The following CDH18 variants were observed in gnomAD, a reference collection of about 807,000 sequenced individuals.
The protein encoded by CDH18 is cadherin-18.
CDH18 carries 31 observed loss-of-function variants against 67.9 expected under a neutral mutation model. That is an observed-to-expected ratio of 0.46 (90% confidence interval 0.34 to 0.62). The LOEUF is 0.62. Ranked by LOEUF, CDH18 falls within the 20% of genes least tolerant of loss-of-function variation. The probability of loss-of-function intolerance (pLI) is 0.01; values close to 1 mark genes in which losing one functional copy is unlikely to be tolerated. For missense variants in CDH18, 890 were observed against 975.5 expected, an observed-to-expected ratio of 0.91 and a Z score of 1.17; for synonymous variants, 362 against 347.2, an observed-to-expected ratio of 1.04 and a Z score of -0.48.
chr5:20,280,849 C>T lies in CDH18; in HGVS notation c.-579-25344G>A, dbSNP rs1411305870. 9.2e-5 allele frequency among the ~76,000 whole-genome samples: 14 copies of T among 152,286 alleles called. No homozygotes were observed. In the East Asian group the frequency reaches 2.7e-3, roughly 30 times the overall value. ...ACAGTGTAAAAGTGTTCCTATTTCT[C>T]CACATCCTCTCCAGCACCTGTTGTT... On this transcript the variant is annotated intron_variant, in intron 1 of 14. Coordinates refer to the CDH18 transcript ENST00000507958.
At chr5:19,664,266 A>G (rs1372939751) in intron 5 of CDH18, among the ~76,000 whole-genome samples, 1 of 114,640 alleles carries the variant, frequency 8.7e-6, no homozygotes, top group Non-Finnish European at 1.9e-5. Flanking sequence ...ATGCTCCATG[A>G]TCAAATGGTC....
intron 1 of CDH18, among the ~76,000 whole-genome samples, chr5:20,533,703 G>T (rs1207127603): frequency 6.6e-6 from 1 of 151,942 alleles, no homozygotes; most frequent in Non-Finnish European, 1.5e-5. Flanking sequence ...TTCTGGAATA[G>T]TTCATTTATT....
intron 1 of CDH18, among the ~76,000 whole-genome samples, chr5:20,354,757 T>C (rs1741471816): frequency 6.6e-6 from 1 of 152,148 alleles, no homozygotes; most frequent in Non-Finnish European, 1.5e-5. Flanking sequence ...GAATCAGAAA[T>C]TTTGTATAGA....
At chr5:20,210,002 G>T (rs1281958128) in intron 2 of CDH18, among the ~76,000 whole-genome samples, 1 of 150,950 alleles carries the variant, frequency 6.6e-6, no homozygotes, top group African/African-American at 2.4e-5. Flanking sequence ...AATAATGTAA[G>T]ATTAATTAAA....
intron 3 of CDH18, among the ~76,000 whole-genome samples, chr5:19,825,631 T>A (rs903639657): frequency 4.6e-5 from 7 of 151,282 alleles, no homozygotes; most frequent in African/African-American, 1.7e-4. Flanking sequence ...ACATTCAAGA[T>A]CCAGGGGCAA....
chr5:20,395,926 G>C (rs945887019), intron 1 of CDH18, among the ~76,000 whole-genome samples: 4 of 152,142 alleles, frequency 2.6e-5, no homozygotes, highest in African/African-American at 2.4e-5. Flanking sequence ...AGCTTAGAGA[G>C]GGCATGGAAG....
intron 10 of CDH18, among the ~76,000 whole-genome samples, chr5:19,507,803 T>C (rs546736168): frequency 1.3e-5 from 2 of 152,134 alleles, no homozygotes; most frequent in South Asian, 4.1e-4. Flanking sequence ...ATATCTAATG[T>C]TAAATGACGA....
chr5:20,032,081 T>C (rs1277536158), intron 2 of CDH18, among the ~76,000 whole-genome samples: 1 of 152,056 alleles, frequency 6.6e-6, no homozygotes, highest in Non-Finnish European at 1.5e-5. Context: ...AAAAAGCTTA[T>C]TTTCTAGAAG....
At position 20,336,662 on chromosome 5, in the gene CDH18, CT is replaced by C. The variant is rs577129119; in HGVS notation, c.-579-81158del. On this transcript the variant is annotated intron_variant, in intron 1 of 14. Coordinates refer to the CDH18 transcript ENST00000507958. The stretch of plus-strand genomic sequence containing the variant: ...GGCGTGAACCCGGGAGGCATAGCTT[CT>C]CATGAGCCGAGATCACACCACTGCA... Among the ~76,000 whole-genome samples the C allele has an allele frequency of 2.9e-4, 38 of 133,138 alleles. No individual in the cohort carries two copies. In the East Asian group the frequency reaches 8.4e-3, roughly 30 times the overall value. 87.3% of individuals were successfully genotyped at this position (133,138 alleles called of 152,430 possible). A position where few individuals can be genotyped will look rare whatever the true frequency, so the allele number is the denominator to read the frequency against.
In CDH18 at chr5:19,899,982, G is replaced by A. The variant is rs182682014; in HGVS notation, c.-256-60740C>T. On this transcript the variant is annotated intron_variant, in intron 2 of 12. Coordinates refer to ENST00000382275, the MANE Select transcript of CDH18 (RefSeq NM_004934.5). Reference sequence around the variant, plus strand: ...TCAATAAGTACAAAATTTCAATTACGCAAGATGAGTACATTCTAGAGATCT... The same window carrying A: ...TCAATAAGTACAAAATTTCAATTACACAAGATGAGTACATTCTAGAGATCT... Among the ~76,000 whole-genome samples, 14 of 152,202 alleles carry A rather than the reference G, an allele frequency of 9.2e-5. No individual in the cohort carries two copies. The East Asian group carries it at 1.3e-3, about 15-fold the overall frequency.
chr5:20,480,224 C>T (rs368410646), intron 1 of CDH18, among the ~76,000 whole-genome samples: 1 of 152,012 alleles, frequency 6.6e-6, no homozygotes, highest in Non-Finnish European at 1.5e-5. Context: ...AGTAAGTACA[C>T]AGACAAATAC....
At chr5:20,313,229 CTATTA>C (rs1197857647) in intron 1 of CDH18, among the ~76,000 whole-genome samples, 1 of 151,922 alleles carries the variant, frequency 6.6e-6, no homozygotes, top group East Asian at 1.9e-4. Flanking sequence ...AAAATGTTTC[CTATTA>C]TATTTGTTGC....
At chr5:19,976,781 T>A (rs981318832) in intron 2 of CDH18, among the ~76,000 whole-genome samples, 1 of 125,068 alleles carries the variant, frequency 8.0e-6, no homozygotes, top group Admixed American at 8.0e-5. Context: ...TATGGCAACA[T>A]GACAGGATAT....
At chr5:20,520,170 T>C (rs1267408248) in intron 1 of CDH18, among the ~76,000 whole-genome samples, 2 of 151,804 alleles carry the variant, frequency 1.3e-5, no homozygotes, top group Non-Finnish European at 2.9e-5. Flanking sequence ...GAAGATTATC[T>C]GGGACTGAAC....
At chr5:19,681,058 T>C (rs1760239320) in intron 5 of CDH18, among the ~76,000 whole-genome samples, 1 of 151,988 alleles carries the variant, frequency 6.6e-6, no homozygotes, top group Non-Finnish European at 1.5e-5. Flanking sequence ...ATGGTACATA[T>C]ACGCCATGGA....
At chr5:20,571,416 C>T (rs1489400453) in intron 1 of CDH18, among the ~76,000 whole-genome samples, 1 of 152,010 alleles carries the variant, frequency 6.6e-6, no homozygotes, top group Non-Finnish European at 1.5e-5. Flanking sequence ...TTATGGTTCA[C>T]ATCAATATAT....
intron 1 of CDH18, among the ~76,000 whole-genome samples, chr5:20,480,062 A>G (rs1463648479): frequency 6.6e-6 from 1 of 152,210 alleles, no homozygotes; most frequent in Admixed American, 6.5e-5. Flanking sequence ...TGAAAGAGAA[A>G]TAAAGACTTT....
intron 6 of CDH18, among the ~76,000 whole-genome samples, chr5:19,612,219 A>G (rs1485930349): frequency 1.3e-5 from 2 of 152,102 alleles, no homozygotes; most frequent in Non-Finnish European, 2.9e-5. Context: ...GCCAAATGAA[A>G]CTCCAACTCT....
chr5:19,741,439 AT>A (rs1230807193), intron 4 of CDH18, among the ~76,000 whole-genome samples: 9 of 147,764 alleles, frequency 6.1e-5, no homozygotes, highest in South Asian at 4.3e-4. Flanking sequence ...ACAATACACA[AT>A]TTTTTTTTTA....
Sources: allele counts gnomAD v4.1 joint callset (sites outside exome capture counted in the v4.1 genomes callset), GRCh38; gene constraint gnomAD v4.1.1; transcripts MANE v1.5; gene names NCBI Gene and HGNC (gene_info 2026-07-23, HGNC 2026-07-21).